MAK: variants seen among roughly 807,000 people sequenced by gnomAD.
MAK encodes the protein male germ cell associated kinase.
MAK carries 65 observed loss-of-function variants against 82.6 expected under a neutral mutation model. The ratio of observed to expected loss-of-function variants is 0.79; its 90% CI spans 0.64 to 0.97. MAK has a LOEUF of 0.97. Ranked by LOEUF, MAK falls within the 50% of genes least tolerant of loss-of-function variation. MAK has a pLI of 0.00. For synonymous variants in MAK, 250 were observed against 274.2 expected (o/e 0.91, Z 0.87); for missense variants, 703 against 780.2 (o/e 0.90, Z 1.18).
intron 2 of MAK, among the ~76,000 whole-genome samples, chr6:10,822,009 T>A (rs1432950931): frequency 6.6e-6 from 1 of 150,928 alleles, no homozygotes; most frequent in African/African-American, 2.4e-5. Flanking sequence ...TAGCCAGGCG[T>A]GGTGGCGGGC....
intron 8 of MAK, among the ~76,000 whole-genome samples, chr6:10,796,929 T>C (rs1775616835): frequency 6.6e-6 from 1 of 152,170 alleles, no homozygotes; most frequent in Admixed American, 6.5e-5. Flanking sequence ...ATGTAATTTA[T>C]AGACATTGGC....
chr6:10,815,732 G>T (rs940972829), intron 4 of MAK, among the ~76,000 whole-genome samples: 15 of 151,672 alleles, frequency 9.9e-5, no homozygotes, highest in African/African-American at 3.6e-4. Context: ...AAAGTGCTGA[G>T]ATTACAAGCA....
At chr6:10,813,083 T>TG (rs1777091841) in intron 5 of MAK, among the ~76,000 whole-genome samples, 1 of 44,948 alleles carries the variant, frequency 2.2e-5, no homozygotes, top group African/African-American at 7.8e-5. Flanking sequence ...ATGTTATGTA[T>TG]TTTTATATAT....
intron 1 of MAK, among the ~76,000 whole-genome samples, chr6:10,837,371 A>G (rs1248175456): frequency 6.6e-6 from 1 of 152,216 alleles, no homozygotes; most frequent in Admixed American, 6.5e-5. Context: ...AATTATTTCA[A>G]AGCTTATACA....
chr6:10,769,799 T>A (rs965477384), intron 14 of MAK, among the ~76,000 whole-genome samples: 32 of 152,208 alleles, frequency 2.1e-4, no homozygotes, highest in Non-Finnish European at 7.3e-5. Context: ...CATTTCATCA[T>A]CTGTAAAGAA....
chr6:10,771,650 A>G (rs1395429311), intron 13 of MAK, among the ~76,000 whole-genome samples: 1 of 152,220 alleles, frequency 6.6e-6, no homozygotes, highest in Non-Finnish European at 1.5e-5. Flanking sequence ...GTTGTCTCTC[A>G]CGGCATATCA....
Position 10,764,245 on chromosome 6 carries a change from T to C in MAK, c.*207A>G. Reference sequence around the variant, plus strand: ...TCAATACTTTGTAACATCCTACCCATATATCAACACTGTGGGCAATGATGC... The same window carrying C: ...TCAATACTTTGTAACATCCTACCCACATATCAACACTGTGGGCAATGATGC... On this transcript the variant is annotated 3_prime_UTR_variant, in exon 15 of 15. Transcript: ENST00000354489. 1 of 578,112 alleles carries C rather than the reference T, an allele frequency of 1.7e-6. No homozygotes were observed. The highest frequency in any genetic ancestry group is 3.1e-6 in the Non-Finnish European group (1 of 325,900). The allele number at this position is 578,112 out of a possible 1,614,324, so 35.8% of individuals were successfully genotyped here.
chr6:10,814,798 C>T (rs928311507), intron 4 of MAK, among the ~76,000 whole-genome samples: 2 of 152,138 alleles, frequency 1.3e-5, no homozygotes, highest in African/African-American at 2.4e-5. Context: ...GTAATCCCAG[C>T]ACTTTGGGAG....
At chr6:10,769,560 A>G (rs1013445853) in intron 14 of MAK, among the ~76,000 whole-genome samples, 6 of 152,202 alleles carry the variant, frequency 3.9e-5, no homozygotes, top group African/African-American at 1.4e-4. Flanking sequence ...GCTAATTTCT[A>G]CGCCCTAAGA....
intron 14 of MAK, among the ~76,000 whole-genome samples, chr6:10,768,559 C>A (rs1482674925): frequency 6.6e-6 from 1 of 151,990 alleles, no homozygotes; most frequent in Non-Finnish European, 1.5e-5. Flanking sequence ...CCAGCCTGGG[C>A]AACAGAGCAA....
chr6:10,815,912 G>GTATATATATATATATA (rs3064109), intron 4 of MAK, among the ~76,000 whole-genome samples: 120 of 108,270 alleles, frequency 1.1e-3, no homozygotes, highest in African/African-American at 1.6e-3. Flanking sequence ...GCTTTATACA[G>GTATATATATATATATA]TATATATATA....
intron 4 of MAK, among the ~76,000 whole-genome samples, chr6:10,817,516 C>A (rs1777584796): frequency 6.6e-6 from 1 of 152,096 alleles, no homozygotes; most frequent in Non-Finnish European, 1.5e-5. Context: ...GGGAGAGCAA[C>A]CAAGATAATT....
chr6:10,788,605 C>T (rs1321538305), intron 10 of MAK, among the ~76,000 whole-genome samples: 7 of 151,928 alleles, frequency 4.6e-5, no homozygotes, highest in South Asian at 4.1e-4. Flanking sequence ...TGGTGGCACA[C>T]GCCTGTAACA....
At chr6:10,809,445 C>T (rs892571435) in intron 5 of MAK, among the ~76,000 whole-genome samples, 1 of 152,146 alleles carries the variant, frequency 6.6e-6, no homozygotes. Flanking sequence ...ATCCTCTCGG[C>T]CCACTAAGTA....
At position 10,828,773 on chromosome 6, in the gene MAK, C is replaced by A. The variant is rs536702749; in HGVS notation, c.101+1775G>T. Reference sequence around the variant, plus strand: ...TTGTACCACCGTACCTCAGCCTGGGCGACAGAATGGAACCCTGTCTTGAAA... The same window carrying A: ...TTGTACCACCGTACCTCAGCCTGGGAGACAGAATGGAACCCTGTCTTGAAA... On this transcript the variant is annotated intron_variant, in intron 2 of 14. Transcript: ENST00000354489. Among the ~76,000 whole-genome samples the A allele has an allele frequency of 1.9e-3, 288 of 151,778 alleles. 3 individuals carry two copies. Among genetic ancestry groups the A allele is most frequent in the African/African-American group, 6.3e-3 (259 of 41,374 alleles).
chr6:10,773,855 AT>A (rs925735866), intron 12 of MAK, among the ~76,000 whole-genome samples: 5 of 150,630 alleles, frequency 3.3e-5, no homozygotes, highest in Non-Finnish European at 1.5e-5. Flanking sequence ...CCATGCCTGG[AT>A]TTTTTTTTGT....
intron 4 of MAK, among the ~76,000 whole-genome samples, chr6:10,817,110 T>A (rs1484638001): frequency 2.8e-5 from 4 of 145,430 alleles, no homozygotes; most frequent in African/African-American, 5.3e-5. Flanking sequence ...TCAAGTAACA[T>A]CCTCAGACCT....
intron 5 of MAK, among the ~76,000 whole-genome samples, chr6:10,810,924 C>T (rs969617725): frequency 1.3e-5 from 2 of 152,160 alleles, no homozygotes; most frequent in African/African-American, 4.8e-5. Context: ...TTTTCCCCAT[C>T]CTAATATACA....
At chr6:10,807,904 C>A (rs1011722692) in intron 6 of MAK, among the ~76,000 whole-genome samples, 1 of 151,840 alleles carries the variant, frequency 6.6e-6, no homozygotes, top group East Asian at 2.0e-4. Context: ...CACGTCTCTA[C>A]TAAAAATACA....
Sources: allele counts gnomAD v4.1 joint callset (sites outside exome capture counted in the v4.1 genomes callset), GRCh38; gene constraint gnomAD v4.1.1; transcripts MANE v1.5; gene names NCBI Gene and HGNC (gene_info 2026-07-23, HGNC 2026-07-21).